DNAJC11: variants seen among roughly 807,000 people sequenced by gnomAD.
The protein encoded by DNAJC11 is DnaJ heat shock protein family (Hsp40) member C11.
A neutral mutation model predicts 78.6 loss-of-function variants in DNAJC11; 15 were observed. The observed-to-expected ratio is 0.19, with a 90% confidence interval of 0.13 to 0.29. The LOEUF (loss-of-function observed/expected upper bound fraction) is 0.29. Among genes scored for constraint, DNAJC11 ranks in the 10% least tolerant of loss-of-function variants. The pLI is 1.00. For synonymous variants in DNAJC11, 292 were observed against 272.1 expected, an observed-to-expected ratio of 1.07 and a Z score of -0.72; for missense variants, 547 against 709.6, an observed-to-expected ratio of 0.77 and a Z score of 2.60.
At chr1:6,697,258 T>G (rs1031705139) in intron 1 of DNAJC11, among the ~76,000 whole-genome samples, 4 of 152,184 alleles carry the variant, frequency 2.6e-5, no homozygotes, top group African/African-American at 9.6e-5. Context: ...TCATGTGTCT[T>G]GTCATAGGAG....
intron 4 of DNAJC11, among the ~76,000 whole-genome samples, chr1:6,665,705 C>T (rs1480076040): frequency 6.6e-6 from 1 of 152,196 alleles, no homozygotes; most frequent in Non-Finnish European, 1.5e-5. Context: ...GCAACTGCCA[C>T]ACACCCCCAG....
In DNAJC11 at chr1:6,654,055, AAGCCGTC is replaced by A; in HGVS notation, c.379-23_379-17del. Reference sequence around the variant, plus strand: ...TGATCGTTCCCTGGGGCAGAAAAACAAGCCGTCAGCAGAACGGGTGGTATTTGTGGAA... The same window carrying A: ...TGATCGTTCCCTGGGGCAGAAAAACAAGCAGAACGGGTGGTATTTGTGGAA... On this transcript the variant is annotated splice_polypyrimidine_tract_variant and intron_variant, in intron 4 of 15. Transcript: ENST00000377577. 1 of 1,610,868 alleles carries A rather than the reference AAGCCGTC, an allele frequency of 6.2e-7. No individual in the cohort carries two copies. The highest frequency in any genetic ancestry group is 1.3e-5 in the African/African-American group (1 of 75,006).
chr1:6,652,848 G>A lies in DNAJC11; in HGVS notation c.611C>T (p.Ser204Leu), dbSNP rs1384840539. ...TCTTACCTCTCCCCATCCCTTTGCC[G>A]AAGTTACTCGTCTGAGCGCAAAGTT... ...SINFALRRVT[S>L]AKGWGELEFG... The change falls in exon 6 of 16, where the codon TCG becomes TTG. Residue 204 changes from serine (S) to leucine (L), a missense_variant. By Grantham distance (145) the Ser-to-Leu change is moderately radical. Coordinates refer to ENST00000377577, the MANE Select transcript of DNAJC11 (RefSeq NM_018198.4). The A allele has an allele frequency of 1.9e-6, 3 of 1,614,124 alleles. No homozygotes were observed. The highest frequency in any genetic ancestry group is 1.1e-5 in the South Asian group (1 of 91,080).
chr1:6,694,258 T>G (rs780091365), intron 1 of DNAJC11, among the ~76,000 whole-genome samples: 1 of 152,126 alleles, frequency 6.6e-6, no homozygotes, highest in Non-Finnish European at 1.5e-5. Context: ...ACCAGACATC[T>G]TCTATGGGGC....
chr1:6,669,425 C>T (rs1381703293), intron 3 of DNAJC11, among the ~76,000 whole-genome samples: 1 of 151,686 alleles, frequency 6.6e-6, no homozygotes, highest in East Asian at 1.9e-4. Context: ...GCAGAAGAAT[C>T]ACTTGAACCC....
At chr1:6,696,337 T>C (rs1005543210) in intron 1 of DNAJC11, among the ~76,000 whole-genome samples, 2 of 152,244 alleles carry the variant, frequency 1.3e-5, no homozygotes, top group African/African-American at 4.8e-5. Flanking sequence ...TTTAGGTATT[T>C]GAGTCGCTCA....
intron 1 of DNAJC11, among the ~76,000 whole-genome samples, chr1:6,700,196 A>G (rs897088331): frequency 2.0e-5 from 3 of 151,446 alleles, no homozygotes; most frequent in African/African-American, 7.3e-5. Context: ...TATTCTCCCC[A>G]CTCTTGAGAA....
rs1641763053 is a variant in DNAJC11 at position 6,636,127 on chromosome 1, T to C, written c.1644A>G (p.Ile548Met). The change falls in exon 15 of 16, where the codon ATA (isoleucine) becomes ATG (methionine). Residue 548 changes from isoleucine (I) to methionine (M), a missense_variant. Transcript: ENST00000377577. ...GGGACGGCTACTCACACTGCTTTGG[T>C]ATCCGGAGGGCCTCACTGTCCAGCA... ...VMVLDSEALR[I>M]PKQSHRIDTD... 1 of 1,613,802 alleles carries C rather than the reference T, an allele frequency of 6.2e-7. No homozygotes were observed. Among genetic ancestry groups the C allele is most frequent in the African/African-American group, 1.3e-5 (1 of 74,908 alleles).
intron 1 of DNAJC11, among the ~76,000 whole-genome samples, chr1:6,699,489 G>A (rs916845565): frequency 6.6e-6 from 1 of 152,176 alleles, no homozygotes; most frequent in Non-Finnish European, 1.5e-5. Context: ...ATAAATGGCT[G>A]CTCAATTACT....
intron 4 of DNAJC11, among the ~76,000 whole-genome samples, chr1:6,661,001 T>A (rs769341993): frequency 6.6e-6 from 1 of 152,210 alleles, no homozygotes; most frequent in Non-Finnish European, 1.5e-5. Context: ...TGGTTTCAAA[T>A]CTTCTTAAAA....
At chr1:6,658,606 C>T (rs1161787041) in intron 4 of DNAJC11, among the ~76,000 whole-genome samples, 1 of 151,532 alleles carries the variant, frequency 6.6e-6, no homozygotes, top group African/African-American at 2.4e-5. Context: ...CTAGTAAATA[C>T]CTGACTTTTG....
At chr1:6,635,987 C>T in intron 15 of DNAJC11, 130 bp downstream of exon 15, 1 of 1,322,578 alleles carries the variant, frequency 7.6e-7, no homozygotes, top group Non-Finnish European at 1.0e-6. Context: ...GGGTCAAGGG[C>T]TAGTTGGCGT....
At chr1:6,664,092 T>C (rs565804381) in intron 4 of DNAJC11, among the ~76,000 whole-genome samples, 9 of 152,278 alleles carry the variant, frequency 5.9e-5, no homozygotes, top group East Asian at 5.8e-4. Flanking sequence ...ACGCCGGGGC[T>C]GGGGATTTTA....
chr1:6,645,946 G>A lies in DNAJC11; in HGVS notation c.737C>T (p.Ser246Leu). 1 of 1,614,196 alleles carries A rather than the reference G, an allele frequency of 6.2e-7. No individual in the cohort carries two copies. Among genetic ancestry groups the A allele is most frequent in the South Asian group, 1.1e-5 (1 of 91,072 alleles). ...FVTTNCALQF[S>L]SRGIRPGLTT... ...CAGGCCGGGTCGGATTCCACGGGAT[G>A]AAAACTGCAGAGCACAGTTTGTTGT... is the stretch of plus-strand genomic sequence containing the variant. Residue 246 changes from serine to leucine, a missense_variant, in exon 8 of 16, where the codon TCA becomes TTA. Ser to Leu is a moderately radical substitution (Grantham distance 145). Transcript: ENST00000377577. The surrounding 1 kb of genome is among the most constrained non-coding windows in gnomAD (Gnocchi z 4.1).
intron 10 of DNAJC11, among the ~76,000 whole-genome samples, chr1:6,642,548 T>C (rs1182468873): frequency 2.0e-5 from 3 of 152,012 alleles, no homozygotes; most frequent in East Asian, 1.9e-4. Context: ...TTTACTGAGA[T>C]AGGAAAGGAG....
chr1:6,653,233 T>TAGC lies in DNAJC11; in HGVS notation c.508-285_508-283dup, dbSNP rs909370684. 1.3e-5 allele frequency among the ~76,000 whole-genome samples: 2 copies of TAGC among 152,196 alleles called. No individual in the cohort carries two copies. Among genetic ancestry groups the TAGC allele is most frequent in the Non-Finnish European group, 2.9e-5 (2 of 68,030 alleles). On this transcript the variant is annotated intron_variant, in intron 5 of 15. Transcript: ENST00000377577. The surrounding 1 kb of genome is among the most constrained non-coding windows in gnomAD (Gnocchi z 4.5). The stretch of plus-strand genomic sequence containing the variant: ...GGCTGCATGTCCCAATGGTATCAGA[T>TAGC]AGCACAGTGACTTCACTGTGTGCCT...
At chr1:6,651,499 C>T (rs1422458493) in intron 7 of DNAJC11, 30 bp downstream of exon 7, 2 of 1,601,330 alleles carry the variant, frequency 1.2e-6, no homozygotes, top group East Asian at 2.2e-5. Flanking sequence ...CAAAGACCAC[C>T]AAAGAGGAGC....
In DNAJC11 at chr1:6,645,673, TA is replaced by T; in HGVS notation, c.894+115del. 8.3e-7 allele frequency: 1 copy of T among 1,202,366 alleles called. No homozygotes were observed. The highest frequency in any genetic ancestry group is 1.5e-5 in the South Asian group (1 of 67,520). 74.5% of individuals were successfully genotyped at this position (1,202,366 alleles called of 1,614,324 possible). ...CGAGAGCCTGCCCCTCAGGGCCCTG[TA>T]TGGGCTTAGACTTAGTGGTGATCAG... is the stretch of plus-strand genomic sequence containing the variant. On this transcript the variant is annotated intron_variant, in intron 8 of 15. Coordinates refer to ENST00000377577, the MANE Select transcript of DNAJC11 (RefSeq NM_018198.4). This position sits in a 1 kb window ranked among gnomAD's most constrained non-coding sequence, Gnocchi z 4.1.
chr1:6,678,246 C>T, intron 3 of DNAJC11, 148 bp downstream of exon 3: 1 of 890,688 alleles, frequency 1.1e-6, no homozygotes, highest in Non-Finnish European at 1.8e-6. Flanking sequence ...AAAACTCAAC[C>T]TCTAAAACAA....
Sources: allele counts gnomAD v4.1 joint callset (sites outside exome capture counted in the v4.1 genomes callset), GRCh38; gene constraint gnomAD v4.1.1; non-coding constraint Gnocchi (gnomAD v3.1); transcripts MANE v1.5; gene names NCBI Gene and HGNC (gene_info 2026-07-23, HGNC 2026-07-21).